SLC44A2: variants seen among roughly 807,000 people sequenced by gnomAD.
SLC44A2 encodes choline transporter-like protein 2.
SLC44A2 carries 57 observed loss-of-function variants against 90.8 expected under a neutral mutation model. That is an observed-to-expected ratio of 0.63 (90% CI 0.51 to 0.78). The LOEUF (loss-of-function observed/expected upper bound fraction) is 0.78, where lower values mean the gene tolerates loss of function less well. SLC44A2 is among the 30% of genes least tolerant of loss of function. The pLI is 0.00. For missense variants in SLC44A2, 794 were observed against 919.7 expected, an observed-to-expected ratio of 0.86 and a Z score of 1.77; for synonymous variants, 355 against 360.7, an observed-to-expected ratio of 0.98 and a Z score of 0.18.
rs141928916 is a variant in SLC44A2 at position 10,631,929 on chromosome 19, G to C, written c.688G>C (p.Val230Leu). The C allele has an allele frequency of 2.4e-4, 381 of 1,614,084 alleles. No individual in the cohort carries two copies. The highest frequency in any genetic ancestry group is 2.7e-4 in the Non-Finnish European group (317 of 1,180,044). Residue 230 changes from valine (V) to leucine (L), a missense_variant, in exon 9 of 22, where the codon GTC becomes CTC. This residue lies in a region of SLC44A2 where 738 missense variants were observed against 841.1 expected (regional missense o/e 0.88). Coordinates refer to ENST00000335757, the MANE Select transcript of SLC44A2 (RefSeq NM_020428.4). ...LAMRIFEDYTVSWYWIIIGLV... is the reference protein window; with the variant it reads ...LAMRIFEDYTLSWYWIIIGLV... ...CATGCGCATATTTGAAGATTACACC[G>C]TCTCTTGGTACTGGATTATCATGTA...
Position 10,613,846 on chromosome 19 carries a change from T to C in SLC44A2, c.31+11285T>C, listed in dbSNP as rs531024057. Among the ~76,000 whole-genome samples the C allele has an allele frequency of 5.9e-5, 9 of 152,158 alleles. No homozygotes were observed. The South Asian group carries it at 1.5e-3, about 25-fold the overall frequency. ...GTGAAACAGACAAGGAAACAGATTT[T>C]CCCCTAAAATCTCCGAAAGAAACAG... On this transcript the variant is annotated intron_variant, in intron 1 of 21. Transcript: ENST00000407327.
chr19:10,623,720 C>T (rs551601465), upstream of SLC44A2, among the ~76,000 whole-genome samples: 21 of 150,456 alleles, frequency 1.4e-4, no homozygotes, highest in South Asian at 2.1e-4. Flanking sequence ...GGCGGAGTCT[C>T]GCTCTGTCGC....
intron 1 of SLC44A2, among the ~76,000 whole-genome samples, chr19:10,617,670 A>G (rs577574769): frequency 2.9e-4 from 44 of 152,288 alleles, no homozygotes; most frequent in Middle Eastern, 6.8e-3. Flanking sequence ...CATCAAACCT[A>G]GACTGGGAAC....
upstream of SLC44A2, among the ~76,000 whole-genome samples, chr19:10,623,205 G>T (rs1298219029): frequency 6.6e-6 from 1 of 152,040 alleles, no homozygotes; most frequent in Admixed American, 6.6e-5. Flanking sequence ...GCTTCTTTAG[G>T]AGTCTGGGTC....
At chr19:10,642,501 C>T in intron 21 of SLC44A2, 50 bp downstream of exon 21, 3 of 1,544,110 alleles carry the variant, frequency 1.9e-6, no homozygotes, top group Non-Finnish European at 2.7e-6. Flanking sequence ...TCCCTTCTTT[C>T]CACTGGGCAT....
chr19:10,643,327 T>C lies in SLC44A2; in HGVS notation c.2063T>C (p.Met688Thr). ...GGCTCGGCCGAGAGGCCTTACTTCA[T>C]GTCTTCCACCCTCAAGAAACTCTTG... ...NDGSAERPYF[M>T]SSTLKKLLNK... The change falls in exon 22 of 22, where the codon ATG (methionine) becomes ACG (threonine). Residue 688 changes from methionine to threonine, a missense_variant. This residue lies in a region of SLC44A2 where 44 missense variants were observed against 43.9 expected (regional missense o/e 1.00). Transcript: ENST00000335757. 3 of 1,612,626 alleles carry C rather than the reference T, an allele frequency of 1.9e-6. No homozygotes were observed. Among genetic ancestry groups the C allele is most frequent in the Non-Finnish European group, 2.5e-6 (3 of 1,179,270 alleles).
intron 1 of SLC44A2, chr19:10,602,638 G>T: frequency 2.5e-6 from 3 of 1,205,710 alleles, no homozygotes; most frequent in Non-Finnish European, 2.1e-6. Flanking sequence ...GGACATCTGA[G>T]ACCCTAGGCA....
intron 4 of SLC44A2, among the ~76,000 whole-genome samples, chr19:10,628,286 G>A (rs962554205): frequency 3.9e-5 from 6 of 152,212 alleles, no homozygotes; most frequent in African/African-American, 7.2e-5. Context: ...TCAGGAGGCT[G>A]AGGCAGGAGA....
intron 1 of SLC44A2, among the ~76,000 whole-genome samples, chr19:10,617,386 A>G (rs936241218): frequency 2.0e-5 from 3 of 152,092 alleles, no homozygotes; most frequent in Non-Finnish European, 4.4e-5. Flanking sequence ...CCATCACAAG[A>G]TATTACCAAT....
rs1395684323 is a variant in SLC44A2 at position 10,642,437 on chromosome 19, T to A, written c.2000T>A (p.Leu667Gln). 1 of 1,614,020 alleles carries A rather than the reference T, an allele frequency of 6.2e-7. No individual in the cohort carries two copies. Among genetic ancestry groups the A allele is most frequent in the Non-Finnish European group, 8.5e-7 (1 of 1,180,004 alleles). ...FSVYGMCVDT[L>Q]FLCFLEDLER... Reference sequence around the variant, plus strand: ...GTCTATGGCATGTGTGTGGACACGCTGTTCCTCTGCTTCTGTGAGTGACCC... The same window carrying A: ...GTCTATGGCATGTGTGTGGACACGCAGTTCCTCTGCTTCTGTGAGTGACCC... The change falls in exon 21 of 22, where the codon CTG (leucine) becomes CAG (glutamine). Residue 667 changes from leucine (L) to glutamine (Q), a missense_variant. Around this residue, in one of 3 missense-constraint regions of SLC44A2, gnomAD observed 12 missense variants for 34.7 expected, o/e 0.35. Coordinates refer to ENST00000335757, the MANE Select transcript of SLC44A2 (RefSeq NM_020428.4).
intron 1 of SLC44A2, among the ~76,000 whole-genome samples, chr19:10,618,524 G>A (rs1481037167): frequency 1.4e-5 from 2 of 140,238 alleles, no homozygotes; most frequent in African/African-American, 5.4e-5. Flanking sequence ...CTGTTGCCCA[G>A]GCTGGAGTGC....
At position 10,626,229 on chromosome 19, in the gene SLC44A2, CATCTTA is replaced by C. The variant is rs1568447706; in HGVS notation, c.38-18_38-13del. 6.2e-6 allele frequency: 10 copies of C among 1,604,262 alleles called. No homozygotes were observed. Among genetic ancestry groups the C allele is most frequent in the Non-Finnish European group, 6.8e-6 (8 of 1,171,022 alleles). On this transcript the variant is annotated intron_variant, in intron 1 of 21. Coordinates refer to ENST00000335757, the MANE Select transcript of SLC44A2 (RefSeq NM_020428.4). ...CTTGGTTCAGGTCTCCAATCCCATC[CATCTTA>C]ATCTTCTTGACTTTCAGGAACGCCA...
intron 1 of SLC44A2, among the ~76,000 whole-genome samples, chr19:10,606,672 A>T (rs1918112570): frequency 6.6e-6 from 1 of 151,348 alleles, no homozygotes; most frequent in Admixed American, 6.6e-5. Flanking sequence ...TGTTCTTGGA[A>T]TAGTGACGTG....
chr19:10,626,464 G>A (rs780754599), intron 2 of SLC44A2, among the ~76,000 whole-genome samples, 163 bp downstream of exon 2: 3 of 150,440 alleles, frequency 2.0e-5, no homozygotes, highest in African/African-American at 7.4e-5. Flanking sequence ...CTGGAGTGCC[G>A]TGGCGCGATC....
At position 10,625,597 on chromosome 19, in the gene SLC44A2, G is replaced by T; in HGVS notation, c.-37G>T. 8.0e-7 allele frequency: 1 copy of T among 1,242,248 alleles called. No individual in the cohort carries two copies. The highest frequency in any genetic ancestry group is 2.6e-4 in the Middle Eastern group (1 of 3,858). The allele number at this position is 1,242,248 out of a possible 1,614,324, so 77.0% of individuals were successfully genotyped here. A position where few individuals can be genotyped will look rare whatever the true frequency, so the allele number is the denominator to read the frequency against. On this transcript the variant is annotated 5_prime_UTR_variant, in exon 1 of 22. Transcript: ENST00000335757. ...GGGAGGGTCGAGGGGGCGCGGGAGA[G>T]AGCGCGGGCGGCCGCCGGGGCTGGT...
chr19:10,624,004 G>T (rs577309766), upstream of SLC44A2, among the ~76,000 whole-genome samples: 14 of 137,570 alleles, frequency 1.0e-4, no homozygotes, highest in South Asian at 4.6e-4. Flanking sequence ...TTGATTTATT[G>T]ATTGATTGAT....
At chr19:10,632,611 G>A (rs1235088667) in intron 10 of SLC44A2, among the ~76,000 whole-genome samples, 1 of 151,692 alleles carries the variant, frequency 6.6e-6, no homozygotes, top group Non-Finnish European at 1.5e-5. Context: ...AATAGCAGAG[G>A]TTCAAATCCT....
At chr19:10,617,647 G>A (rs1450096012) in intron 1 of SLC44A2, among the ~76,000 whole-genome samples, 1 of 152,142 alleles carries the variant, frequency 6.6e-6, no homozygotes, top group Non-Finnish European at 1.5e-5. Flanking sequence ...ACCCTCCATG[G>A]CTCCCACGTA....
intron 1 of SLC44A2, among the ~76,000 whole-genome samples, chr19:10,603,055 G>T (rs1444268402): frequency 6.6e-6 from 1 of 152,182 alleles, no homozygotes; most frequent in Non-Finnish European, 1.5e-5. Context: ...ACCGAGTCTG[G>T]CCAGCCGCCT....
Sources: allele counts gnomAD v4.1 joint callset (sites outside exome capture counted in the v4.1 genomes callset), GRCh38; gene constraint gnomAD v4.1.1; regional missense constraint gnomAD v4.1.1; transcripts MANE v1.5; gene names NCBI Gene and HGNC (gene_info 2026-07-23, HGNC 2026-07-21).